Variants in AHCYL1 observed in about 807,000 individuals in gnomAD.
AHCYL1 encodes the protein S-adenosylhomocysteine hydrolase-like protein 1.
Under a neutral mutation model 79.3 loss-of-function variants are expected in AHCYL1, and 20 were observed. The observed-to-expected ratio is 0.25, with a 90% CI of 0.18 to 0.37. AHCYL1 has a LOEUF of 0.37. AHCYL1 is among the 10% of genes least tolerant of loss of function. The probability of loss-of-function intolerance (pLI) is 1.00; values close to 1 mark genes in which losing one functional copy is unlikely to be tolerated. For missense variants in AHCYL1, 330 were observed against 673.6 expected, an observed-to-expected ratio of 0.49 and a Z score of 5.65; for synonymous variants, 223 against 242.2, an observed-to-expected ratio of 0.92 and a Z score of 0.74.
Position 110,013,374 on chromosome 1 carries a change from A to G in AHCYL1, c.580+375A>G, listed in dbSNP as rs867293660. Among the ~76,000 whole-genome samples the G allele has an allele frequency of 2.0e-5, 3 of 152,226 alleles. No individual in the cohort carries two copies. The South Asian group carries it at 6.2e-4, about 32-fold the overall frequency. On this transcript the variant is annotated intron_variant, in intron 5 of 16. Coordinates refer to ENST00000369799, the MANE Select transcript of AHCYL1 (RefSeq NM_006621.7). ...TTTGGTATTCAGTATGGCATTGAAA[A>G]TATATGAGCTATTTGTGAGTTTAAT...
Position 109,984,945 on chromosome 1 carries a change from A to C in AHCYL1, c.-108A>C. ...GCAGCTCGACGCAGGGGCCGGCAGG[A>C]GGGTGGGCGATCGCGTGTCGGAGGG... On this transcript the variant is annotated 5_prime_UTR_variant, in exon 1 of 17. Coordinates refer to ENST00000369799, the MANE Select transcript of AHCYL1 (RefSeq NM_006621.7). 1.5e-6 allele frequency: 2 copies of C among 1,332,444 alleles called. No individual in the cohort carries two copies. The highest frequency in any genetic ancestry group is 9.6e-7 in the Non-Finnish European group (1 of 1,042,724). 82.5% of individuals were successfully genotyped at this position (1,332,444 alleles called of 1,614,324 possible).
intron 5 of AHCYL1, among the ~76,000 whole-genome samples, chr1:110,013,480 C>G (rs1431609728): frequency 6.6e-6 from 1 of 152,130 alleles, no homozygotes; most frequent in Non-Finnish European, 1.5e-5. Flanking sequence ...GAGGCCGAGG[C>G]GGGCAGATCA....
chr1:109,997,603 A>G (rs1285279749), intron 1 of AHCYL1, among the ~76,000 whole-genome samples: 3 of 152,194 alleles, frequency 2.0e-5, no homozygotes, highest in African/African-American at 7.2e-5. Context: ...CAACGTTAAT[A>G]TATCTCTGTT....
At chr1:109,986,409 C>T (rs1438898971) in intron 1 of AHCYL1, among the ~76,000 whole-genome samples, 3 of 151,864 alleles carry the variant, frequency 2.0e-5, no homozygotes, top group African/African-American at 7.3e-5. Context: ...TGTGTGCTTT[C>T]GCTGTTTTCT....
intron 1 of AHCYL1, chr1:109,995,676 C>T (rs961764031): frequency 6.1e-6 from 6 of 985,424 alleles, no homozygotes; most frequent in Non-Finnish European, 7.2e-6. Flanking sequence ...TAGATCAGCA[C>T]TTCTCATTCT....
chr1:110,018,298 A>T, intron 11 of AHCYL1, 75 bp from the exon 12 acceptor site: 1 of 1,424,136 alleles, frequency 7.0e-7, no homozygotes, highest in Non-Finnish European at 9.8e-7. Flanking sequence ...CTGGTCTCCT[A>T]TGTTCTACCT....
At chr1:110,011,096 G>A in intron 2 of AHCYL1, 118 bp from the exon 3 acceptor site, 6 of 1,262,866 alleles carry the variant, frequency 4.8e-6, no homozygotes, top group Admixed American at 2.7e-5. Flanking sequence ...GTTGTAAAAG[G>A]TAGCTCCAAT....
At chr1:109,998,562 C>T (rs1377487031) in intron 1 of AHCYL1, among the ~76,000 whole-genome samples, 1 of 152,226 alleles carries the variant, frequency 6.6e-6, no homozygotes, top group African/African-American at 2.4e-5. Context: ...ACTGCAACCT[C>T]CGTCCCCTGG....
In AHCYL1 at chr1:109,985,117, T is replaced by A; in HGVS notation, c.65T>A (p.Ile22Asn). 1.2e-6 allele frequency: 2 copies of A among 1,610,884 alleles called. No individual in the cohort carries two copies. The highest frequency in any genetic ancestry group is 1.7e-6 in the Non-Finnish European group (2 of 1,179,006). Residue 22 changes from isoleucine to asparagine, a missense_variant, in exon 1 of 17, where the codon ATC (isoleucine) becomes AAC (asparagine). Ile to Asn is a moderately radical substitution (Grantham distance 149, BLOSUM62 -3). Around this residue, in one of 6 missense-constraint regions of AHCYL1, gnomAD observed 66 missense variants for 68.0 expected, o/e 0.97. Transcript: ENST00000369799. Reference sequence around the variant, plus strand: ...GAGGAGCTGAAGCAGGCCAAGGAGATCGAGGACGCCGAGAAGTACTCCTTC... The same window carrying A: ...GAGGAGCTGAAGCAGGCCAAGGAGAACGAGGACGCCGAGAAGTACTCCTTC... Reference protein sequence around the residue: ...VGEELKQAKEIEDAEKYSFMA... With the variant: ...VGEELKQAKENEDAEKYSFMA...
Position 109,984,885 on chromosome 1 carries a change from G to A in AHCYL1, c.-168G>A. 8.8e-7 allele frequency: 1 copy of A among 1,139,062 alleles called. No homozygotes were observed. The highest frequency in any genetic ancestry group is 1.1e-6 in the Non-Finnish European group (1 of 889,006). 70.6% of individuals were successfully genotyped at this position (1,139,062 alleles called of 1,614,324 possible). ...TCCGGCTGCCTTGGGCTGCCGAACA[G>A]ACAAGGCGTGGGCCACAGCACCTCA... On this transcript the variant is annotated 5_prime_UTR_variant, in exon 1 of 17. Transcript: ENST00000369799.
Position 110,009,161 on chromosome 1 carries a change from C to T in AHCYL1, c.232+16C>T. 1 of 1,587,316 alleles carries T rather than the reference C, an allele frequency of 6.3e-7. No individual in the cohort carries two copies. The highest frequency in any genetic ancestry group is 8.6e-7 in the Non-Finnish European group (1 of 1,156,748). On this transcript the variant is annotated intron_variant, in intron 2 of 16. Transcript: ENST00000369799. ...TACAGTTCAGGTAGGTGTGAATGAA[C>T]TCCATGTCCTCTCTAATCTCTCTTC...
chr1:109,990,791 A>G (rs1477850396), intron 1 of AHCYL1, among the ~76,000 whole-genome samples: 1 of 152,216 alleles, frequency 6.6e-6, no homozygotes, highest in African/African-American at 2.4e-5. Context: ...ACACTGGGCC[A>G]GTCTCAGTCC....
intron 1 of AHCYL1, among the ~76,000 whole-genome samples, chr1:110,003,343 A>G (rs1224741943): frequency 6.6e-6 from 1 of 152,162 alleles, no homozygotes; most frequent in African/African-American, 2.4e-5. Context: ...GTATGTGTAT[A>G]TATATAGAGA....
At chr1:110,013,377 T>C (rs183861958) in intron 5 of AHCYL1, among the ~76,000 whole-genome samples, 34 of 152,348 alleles carry the variant, frequency 2.2e-4, no homozygotes, top group African/African-American at 6.0e-4. Flanking sequence ...ATTGAAAATA[T>C]ATGAGCTATT....
chr1:110,011,272 C>T lies in AHCYL1; in HGVS notation c.291C>T (p.Thr97=). ...TTTCTCCCCGAGAGAAGCAGCAAAC[C>T]AACTCCAAGGGCAGCAGCAATTTCT... The part of the protein sequence containing the change: ...DEVSPREKQQ[T]NSKGSSNFCV... Residue 97 remains threonine, a synonymous_variant, in exon 3 of 17, where the codon ACC becomes ACT. Coordinates refer to ENST00000369799, the MANE Select transcript of AHCYL1 (RefSeq NM_006621.7). 6.2e-7 allele frequency: 1 copy of T among 1,613,952 alleles called. No homozygotes were observed. The highest frequency in any genetic ancestry group is 1.1e-5 in the South Asian group (1 of 91,032).
At chr1:109,998,728 T>A (rs1020938034) in intron 1 of AHCYL1, among the ~76,000 whole-genome samples, 3 of 152,228 alleles carry the variant, frequency 2.0e-5, no homozygotes, top group African/African-American at 7.2e-5. Flanking sequence ...TCCACCCACC[T>A]TGGCCTCCCA....
intron 1 of AHCYL1, among the ~76,000 whole-genome samples, chr1:109,996,124 T>G (rs1281014577): frequency 4.6e-5 from 7 of 152,066 alleles, no homozygotes; most frequent in African/African-American, 1.7e-4. Flanking sequence ...GGAAAATCGC[T>G]TGAACCCATG....
Position 109,984,901 on chromosome 1 carries a change from C to G in AHCYL1, c.-152C>G, listed in dbSNP as rs1290084879. The G allele has an allele frequency of 8.1e-7, 1 of 1,232,254 alleles. No homozygotes were observed. The highest frequency in any genetic ancestry group is 3.4e-5 in the East Asian group (1 of 29,526). 76.3% of individuals were successfully genotyped at this position (1,232,254 alleles called of 1,614,324 possible). On this transcript the variant is annotated 5_prime_UTR_variant, in exon 1 of 17. Coordinates refer to ENST00000369799, the MANE Select transcript of AHCYL1 (RefSeq NM_006621.7). ...TGCCGAACAGACAAGGCGTGGGCCACAGCACCTCAGAAGCCGACGCAGCTC... is the reference window on the plus strand; with the variant it reads ...TGCCGAACAGACAAGGCGTGGGCCAGAGCACCTCAGAAGCCGACGCAGCTC...
intron 1 of AHCYL1, among the ~76,000 whole-genome samples, chr1:109,986,731 A>G (rs1649488298): frequency 6.6e-6 from 1 of 152,222 alleles, no homozygotes; most frequent in Admixed American, 6.5e-5. Context: ...TGTTGATAAG[A>G]CAAAGTCTAT....
Sources: allele counts gnomAD v4.1 joint callset (sites outside exome capture counted in the v4.1 genomes callset), GRCh38; gene constraint gnomAD v4.1.1; regional missense constraint gnomAD v4.1.1; transcripts MANE v1.5; gene names NCBI Gene and HGNC (gene_info 2026-07-23, HGNC 2026-07-21).